Variants in PLXDC2 observed in about 807,000 individuals in gnomAD.
PLXDC2 encodes plexin domain containing 2, also known as plexin domain-containing protein 2.
PLXDC2 carries 40 observed loss-of-function variants against 68.9 expected under a neutral mutation model. That is an observed-to-expected ratio of 0.58 (90% confidence interval 0.45 to 0.76). The LOEUF is 0.76. PLXDC2 is among the 30% of genes least tolerant of loss of function. PLXDC2 has a pLI of 0.00. For missense variants in PLXDC2, 644 were observed against 661.9 expected, an observed-to-expected ratio of 0.97 and a Z score of 0.30; for synonymous variants, 243 against 234.2, an observed-to-expected ratio of 1.04 and a Z score of -0.34.
chr10:20,062,926 G>T (rs1025339427), intron 3 of PLXDC2, among the ~76,000 whole-genome samples: 1 of 151,728 alleles, frequency 6.6e-6, no homozygotes, highest in African/African-American at 2.4e-5. Context: ...ACTCTTCCCA[G>T]AGTTAATACT....
At chr10:19,978,641 A>G (rs1282014341) in intron 1 of PLXDC2, among the ~76,000 whole-genome samples, 1 of 152,224 alleles carries the variant, frequency 6.6e-6, no homozygotes, top group East Asian at 1.9e-4. Context: ...GAAATATAGC[A>G]ATAGCAGGTG....
intron 9 of PLXDC2, among the ~76,000 whole-genome samples, chr10:20,181,781 T>C (rs182962246): frequency 1.3e-5 from 2 of 152,120 alleles, no homozygotes; most frequent in East Asian, 1.9e-4. Flanking sequence ...TAGGGAGAGT[T>C]TTATCCTCAG....
At chr10:20,039,198 G>A (rs998916172) in intron 2 of PLXDC2, among the ~76,000 whole-genome samples, 7 of 152,258 alleles carry the variant, frequency 4.6e-5, no homozygotes, top group African/African-American at 1.4e-4. Flanking sequence ...GTAGCTGTGT[G>A]TCCAGTTTAC....
chr10:19,879,994 A>C (rs1034939219), intron 1 of PLXDC2, among the ~76,000 whole-genome samples: 3 of 152,212 alleles, frequency 2.0e-5, no homozygotes, highest in African/African-American at 7.2e-5. Flanking sequence ...TGAAGTAGCA[A>C]AACCATTCCA....
At chr10:20,005,651 A>G (rs961914920) in intron 2 of PLXDC2, among the ~76,000 whole-genome samples, 5 of 152,002 alleles carry the variant, frequency 3.3e-5, no homozygotes, top group African/African-American at 1.2e-4. Flanking sequence ...GTGTCACATG[A>G]TGAGAGCAGG....
chr10:19,974,879 A>G (rs1439025188), intron 1 of PLXDC2, among the ~76,000 whole-genome samples: 3 of 152,206 alleles, frequency 2.0e-5, no homozygotes, highest in African/African-American at 7.2e-5. Flanking sequence ...CTTGATTCTC[A>G]AAGGCAGCTT....
At chr10:20,269,417 A>G (rs1309963311) in intron 13 of PLXDC2, among the ~76,000 whole-genome samples, 2 of 148,656 alleles carry the variant, frequency 1.3e-5, no homozygotes, top group Admixed American at 6.6e-5. Context: ...ATACTTAGAG[A>G]GAGAGAATCA....
intron 9 of PLXDC2, among the ~76,000 whole-genome samples, chr10:20,194,903 C>T (rs1274412011): frequency 6.6e-6 from 1 of 151,380 alleles, no homozygotes; most frequent in African/African-American, 2.4e-5. Flanking sequence ...ATTATACTCC[C>T]TTGCATTGCA....
At chr10:20,074,241 A>G (rs1337882697) in intron 4 of PLXDC2, among the ~76,000 whole-genome samples, 2 of 152,200 alleles carry the variant, frequency 1.3e-5, no homozygotes, top group Non-Finnish European at 2.9e-5. Context: ...AGATTTCATA[A>G]GAAAGCTGTT....
intron 4 of PLXDC2, among the ~76,000 whole-genome samples, chr10:20,083,055 A>G (rs2131722870): frequency 6.6e-6 from 1 of 152,328 alleles, no homozygotes; most frequent in South Asian, 2.1e-4. Flanking sequence ...AAGTGAGCAG[A>G]AAAATCTCTA....
intron 3 of PLXDC2, among the ~76,000 whole-genome samples, chr10:20,063,636 C>G (rs1176202395): frequency 6.6e-6 from 1 of 151,990 alleles, no homozygotes; most frequent in Non-Finnish European, 1.5e-5. Context: ...AAATGGATAG[C>G]AATTAACATA....
At chr10:20,231,009 G>T (rs1170768269) in intron 12 of PLXDC2, among the ~76,000 whole-genome samples, 1 of 151,358 alleles carries the variant, frequency 6.6e-6, no homozygotes, top group East Asian at 1.9e-4. Context: ...TGATAAGAAA[G>T]TAGATCTTAA....
chr10:20,052,554 T>A (rs1273914761), intron 3 of PLXDC2, among the ~76,000 whole-genome samples: 1 of 151,878 alleles, frequency 6.6e-6, no homozygotes, highest in East Asian at 1.9e-4. Flanking sequence ...CCAAACCTTA[T>A]TAATTAGCTT....
At chr10:20,007,300 C>T (rs994197016) in intron 2 of PLXDC2, among the ~76,000 whole-genome samples, 2 of 152,192 alleles carry the variant, frequency 1.3e-5, no homozygotes, top group African/African-American at 4.8e-5. Flanking sequence ...ATTACTGATG[C>T]TTAATAAAGC....
At chr10:19,997,096 TAG>T (rs1834857417) in intron 1 of PLXDC2, among the ~76,000 whole-genome samples, 1 of 152,170 alleles carries the variant, frequency 6.6e-6, no homozygotes, top group African/African-American at 2.4e-5. Context: ...TTTAATAAAA[TAG>T]AGTGTCTAGG....
At chr10:19,964,389 A>G (rs976313735) in intron 1 of PLXDC2, among the ~76,000 whole-genome samples, 1 of 152,228 alleles carries the variant, frequency 6.6e-6, no homozygotes, top group Non-Finnish European at 1.5e-5. Flanking sequence ...ATGGAGTTTC[A>G]GGATTGGCCC....
chr10:20,135,194 G>A (rs1044100320), intron 4 of PLXDC2, among the ~76,000 whole-genome samples: 1 of 152,172 alleles, frequency 6.6e-6, no homozygotes, highest in Admixed American at 6.5e-5. Context: ...CTACCTGCAC[G>A]ATTAAGGCTT....
chr10:20,125,846 A>G (rs909248412), intron 4 of PLXDC2, among the ~76,000 whole-genome samples: 7 of 152,046 alleles, frequency 4.6e-5, no homozygotes, highest in Middle Eastern at 3.4e-3. Context: ...AAGTGATGAC[A>G]TGAGGTCATA....
intron 1 of PLXDC2, among the ~76,000 whole-genome samples, chr10:19,859,597 C>T (rs1249578359): frequency 3.3e-5 from 5 of 152,122 alleles, no homozygotes; most frequent in African/African-American, 1.2e-4. Flanking sequence ...GGGGACCTAT[C>T]CCCATTTGTT....
Sources: gnomAD v4.1 joint callset for allele counts (sites outside exome capture counted in the v4.1 genomes callset) on GRCh38, gnomAD v4.1.1 for gene constraint, MANE v1.5 for transcripts, NCBI Gene and HGNC (gene_info 2026-07-23, HGNC 2026-07-21) for gene names.